The following METTL15 variants were observed in gnomAD, a reference collection of about 807,000 sequenced individuals.
The protein encoded by METTL15 is 12S rRNA N(4)-cytidine methyltransferase METTL15.
In METTL15, 34 loss-of-function variants were observed where a neutral mutation model predicts 38.3. The observed-to-expected ratio is 0.89, with a 90% CI of 0.68 to 1.18. The LOEUF is 1.18. METTL15 is among the 50% of genes most tolerant of loss of function. The pLI, the probability that METTL15 is intolerant of heterozygous loss-of-function variation, is 0.00. For synonymous variants in METTL15, 162 were observed against 170.9 expected (o/e 0.95, Z 0.41); for missense variants, 438 against 498.4 (o/e 0.88, Z 1.15).
chr11:28,514,648 G>A (rs1019199379), intron 6 of METTL15, among the ~76,000 whole-genome samples: 1 of 152,188 alleles, frequency 6.6e-6, no homozygotes, highest in Non-Finnish European at 1.5e-5. Flanking sequence ...TTCAGAGTGT[G>A]CCTGTCTCTT....
chr11:28,502,058 G>A (rs1851588390), intron 6 of METTL15, among the ~76,000 whole-genome samples: 1 of 146,344 alleles, frequency 6.8e-6, no homozygotes, highest in African/African-American at 2.5e-5. Flanking sequence ...CGGAGATCTC[G>A]CCACTGCACT....
rs958026390 is a variant in METTL15, at chr11:28,116,253, C to T, written c.270+2649C>T. 4.6e-5 allele frequency among the ~76,000 whole-genome samples: 7 copies of T among 151,900 alleles called. No homozygotes were observed. In the East Asian group the frequency reaches 1.4e-3, roughly 29 times the overall value. ...ATGTTGGTTGATATAATATTGAAAA[C>T]GAAAAAGCTAGAAACTTTCTGATAT... is the stretch of plus-strand genomic sequence containing the variant. On this transcript the variant is annotated intron_variant, in intron 3 of 6. Transcript: ENST00000407364.
chr11:28,209,594 A>G (rs780550642), intron 3 of METTL15, among the ~76,000 whole-genome samples: 4 of 152,052 alleles, frequency 2.6e-5, no homozygotes, highest in Non-Finnish European at 5.9e-5. Context: ...CATTTTCACC[A>G]CATTTACATC....
chr11:28,341,488 A>G (rs891257454), intron 3 of METTL15, among the ~76,000 whole-genome samples: 14 of 152,162 alleles, frequency 9.2e-5, no homozygotes, highest in African/African-American at 3.4e-4. Context: ...TTACAAAAGC[A>G]GTCTAGTTTC....
intron 5 of METTL15, among the ~76,000 whole-genome samples, chr11:28,411,409 A>G (rs1850723083): frequency 6.6e-6 from 1 of 152,068 alleles, no homozygotes; most frequent in African/African-American, 2.4e-5. Context: ...GGAACACAGA[A>G]TAGAAAGCCC....
chr11:28,247,348 T>G (rs1420321750), intron 4 of METTL15, among the ~76,000 whole-genome samples: 1 of 152,150 alleles, frequency 6.6e-6, no homozygotes, highest in East Asian at 1.9e-4. Context: ...TGAAAAGTTC[T>G]ACATATTTGA....
At chr11:28,192,262 A>C (rs1851726021) in intron 3 of METTL15, among the ~76,000 whole-genome samples, 1 of 152,022 alleles carries the variant, frequency 6.6e-6, no homozygotes, top group South Asian at 2.1e-4. Flanking sequence ...TGTATCAAAA[A>C]GTTTTCCAGG....
intron 3 of METTL15, among the ~76,000 whole-genome samples, chr11:28,209,639 C>T (rs1399688366): frequency 3.9e-5 from 6 of 151,910 alleles, no homozygotes. Flanking sequence ...CAATTTTGAT[C>T]AGACGATTTC....
intron 6 of METTL15, among the ~76,000 whole-genome samples, chr11:28,481,222 A>G (rs1851392563): frequency 6.6e-6 from 1 of 152,150 alleles, no homozygotes. Context: ...CCTAACTCAT[A>G]TCCATGTGGA....
chr11:28,487,452 C>T (rs1040770436), intron 6 of METTL15, among the ~76,000 whole-genome samples: 10 of 152,050 alleles, frequency 6.6e-5, no homozygotes, highest in African/African-American at 2.2e-4. Flanking sequence ...TTAGCATATA[C>T]ACTGTGATTT....
intron 6 of METTL15, among the ~76,000 whole-genome samples, chr11:28,316,740 G>T (rs138738576): frequency 2.0e-5 from 3 of 152,254 alleles, no homozygotes; most frequent in Admixed American, 2.0e-4. Flanking sequence ...GGTCTTTCCC[G>T]TTTGTTCTCC....
chr11:28,271,453 C>A (rs1294721380), intron 4 of METTL15, among the ~76,000 whole-genome samples: 1 of 152,068 alleles, frequency 6.6e-6, no homozygotes, highest in Admixed American at 6.5e-5. Flanking sequence ...ATATTCTCAA[C>A]CACACAATAA....
At chr11:28,510,584 C>T (rs967259261) in intron 6 of METTL15, among the ~76,000 whole-genome samples, 2 of 152,030 alleles carry the variant, frequency 1.3e-5, no homozygotes, top group Admixed American at 6.6e-5. Context: ...ATGTGTCAGA[C>T]ATTATGTTGA....
chr11:28,194,261 C>T (rs199968916), intron 3 of METTL15, among the ~76,000 whole-genome samples: 8 of 149,022 alleles, frequency 5.4e-5, no homozygotes, highest in African/African-American at 9.9e-5. Context: ...TGCAATGGTG[C>T]GATCTCAGCT....
chr11:28,298,197 T>A (rs1279548685), intron 6 of METTL15, among the ~76,000 whole-genome samples: 1 of 152,086 alleles, frequency 6.6e-6, no homozygotes, highest in African/African-American at 2.4e-5. Flanking sequence ...ATTAAAGTCA[T>A]CCCCTGTCTG....
intron 4 of METTL15, among the ~76,000 whole-genome samples, chr11:28,288,958 C>T (rs995035654): frequency 1.3e-5 from 2 of 152,092 alleles, no homozygotes; most frequent in African/African-American, 4.8e-5. Flanking sequence ...GTAGTTAAAA[C>T]AATGACTCTC....
intron 4 of METTL15, among the ~76,000 whole-genome samples, chr11:28,257,472 A>C (rs1265196936): frequency 6.6e-6 from 1 of 152,154 alleles, no homozygotes; most frequent in African/African-American, 2.4e-5. Flanking sequence ...CTCTGAATAA[A>C]CTTTCTATCC....
intron 5 of METTL15, among the ~76,000 whole-genome samples, chr11:28,418,757 A>G (rs1850795131): frequency 6.6e-6 from 1 of 152,140 alleles, no homozygotes; most frequent in Non-Finnish European, 1.5e-5. Flanking sequence ...CAGAGAGATA[A>G]TCTGTGGCAA....
intron 3 of METTL15, among the ~76,000 whole-genome samples, chr11:28,154,088 A>G (rs1850183100): frequency 6.6e-6 from 1 of 152,112 alleles, no homozygotes; most frequent in South Asian, 2.1e-4. Context: ...TGTAACTCAT[A>G]AGTGCAAAGT....
Sources: gnomAD v4.1 joint callset for allele counts (sites outside exome capture counted in the v4.1 genomes callset) on GRCh38, gnomAD v4.1.1 for gene constraint, MANE v1.5 for transcripts, NCBI Gene and HGNC (gene_info 2026-07-23, HGNC 2026-07-21) for gene names.